The following ADARB2 variants were observed in gnomAD, a reference collection of about 807,000 sequenced individuals.
ADARB2 encodes the protein adenosine deaminase RNA specific B2 (inactive), also known as inactive double-stranded RNA-specific editase B2.
A neutral mutation model predicts 62.2 loss-of-function variants in ADARB2; 25 were observed. The observed-to-expected ratio is 0.40, with a 90% confidence interval of 0.29 to 0.56. ADARB2 has a LOEUF of 0.56. ADARB2 is among the 20% of genes least tolerant of loss of function. The pLI, the probability that ADARB2 is intolerant of heterozygous loss-of-function variation, is 0.43. For missense variants in ADARB2, 1,071 were observed against 1,077.4 expected, an observed-to-expected ratio of 0.99 and a Z score of 0.08; for synonymous variants, 572 against 500.8, an observed-to-expected ratio of 1.14 and a Z score of -1.90.
chr10:1,201,249 T>G (rs574929659), intron 7 of ADARB2, among the ~76,000 whole-genome samples: 1 of 152,330 alleles, frequency 6.6e-6, no homozygotes, highest in African/African-American at 2.4e-5. Context: ...GGAGCCGCTC[T>G]CCCTCTCTCC....
At chr10:1,453,723 A>G (rs1169457634) in intron 1 of ADARB2, among the ~76,000 whole-genome samples, 1 of 152,212 alleles carries the variant, frequency 6.6e-6, no homozygotes, top group Non-Finnish European at 1.5e-5. Context: ...AAGAAGGTAA[A>G]CAAACAGCCA....
At chr10:1,510,098 T>TCTCTCTC (rs1278546139) in intron 1 of ADARB2, among the ~76,000 whole-genome samples, 6 of 121,342 alleles carry the variant, frequency 4.9e-5, no homozygotes, top group African/African-American at 1.7e-4. Context: ...TCTCTCTCTT[T>TCTCTCTC]TCTTTCTTTC....
At chr10:1,648,944 G>A (rs1459675969) in intron 1 of ADARB2, among the ~76,000 whole-genome samples, 4 of 152,190 alleles carry the variant, frequency 2.6e-5, no homozygotes, top group African/African-American at 9.7e-5. Context: ...CGAGTAGGTG[G>A]AGCAGGACCT....
intron 1 of ADARB2, among the ~76,000 whole-genome samples, chr10:1,441,481 G>A (rs1830906392): frequency 6.6e-6 from 1 of 152,156 alleles, no homozygotes; most frequent in African/African-American, 2.4e-5. Context: ...TGTTTTGGAA[G>A]ACACTCAATA....
intron 3 of ADARB2, among the ~76,000 whole-genome samples, chr10:1,296,648 T>C (rs985751243): frequency 3.9e-5 from 6 of 152,134 alleles, no homozygotes; most frequent in African/African-American, 1.4e-4. Flanking sequence ...TGCCTGGGAC[T>C]CTCTGCATTT....
At chr10:1,308,770 C>T (rs1327068069) in intron 3 of ADARB2, among the ~76,000 whole-genome samples, 2 of 152,144 alleles carry the variant, frequency 1.3e-5, no homozygotes, top group Non-Finnish European at 2.9e-5. Flanking sequence ...GGGTGATTAG[C>T]AGGTCAGGGA....
chr10:1,712,718 C>A lies in ADARB2; in HGVS notation c.100+24333G>T, dbSNP rs373512755. Among the ~76,000 whole-genome samples, 48 of 143,500 alleles carry A rather than the reference C, an allele frequency of 3.3e-4. 2 individuals carry two copies. The East Asian group carries it at 9.1e-3, about 27-fold the overall frequency. The allele number at this position is 143,500 out of a possible 152,430, so 94.1% of individuals were successfully genotyped here. A position where few individuals can be genotyped will look rare whatever the true frequency, so the allele number is the denominator to read the frequency against. On this transcript the variant is annotated intron_variant, in intron 1 of 9. Transcript: ENST00000381312. ...CTGCCTCCCGGGTTCACGCCATTCT[C>A]CTGCCTCAGCCTCCCGAGTAGCTGG...
At chr10:1,727,977 T>C (rs1193461647) in intron 1 of ADARB2, among the ~76,000 whole-genome samples, 1 of 152,240 alleles carries the variant, frequency 6.6e-6, no homozygotes, top group East Asian at 1.9e-4. Context: ...CAGAATTGGA[T>C]AGCACGCACC....
At chr10:1,221,659 C>G (rs147951099) in intron 6 of ADARB2, among the ~76,000 whole-genome samples, 10,882 of 150,204 alleles carry the variant, frequency 0.072, 1,288 homozygotes, top group African/African-American at 0.25. Flanking sequence ...TGAGTGAGAA[C>G]ATGCGGTGTT....
At chr10:1,257,894 C>A (rs1025560794) in intron 4 of ADARB2, among the ~76,000 whole-genome samples, 3 of 152,102 alleles carry the variant, frequency 2.0e-5, no homozygotes, top group South Asian at 2.1e-4. Flanking sequence ...AAACCATGAC[C>A]CCAGGTGCAC....
chr10:1,608,291 C>T (rs573648775), intron 1 of ADARB2, among the ~76,000 whole-genome samples: 24 of 152,314 alleles, frequency 1.6e-4, no homozygotes, highest in African/African-American at 5.8e-4. Context: ...CCGGGTCCCT[C>T]AGTCCCAGAG....
Position 1,673,487 on chromosome 10 carries a change from A to T in ADARB2, c.100+63564T>A, listed in dbSNP as rs1834420254. ...TCGTTGAAACAAAAAGTTTGTAAGG[A>T]TAAATCTTGCAAAATGATTTCTTTA... On this transcript the variant is annotated intron_variant, in intron 1 of 9. Coordinates refer to ENST00000381312, the MANE Select transcript of ADARB2 (RefSeq NM_018702.4). Among the ~76,000 whole-genome samples the T allele has an allele frequency of 2.0e-5, 3 of 152,202 alleles. No individual in the cohort carries two copies. In the South Asian group the frequency reaches 6.2e-4, roughly 32 times the overall value.
chr10:1,278,711 A>G (rs1391220883), intron 3 of ADARB2, among the ~76,000 whole-genome samples: 1 of 151,526 alleles, frequency 6.6e-6, no homozygotes, highest in Non-Finnish European at 1.5e-5. Flanking sequence ...CCCTGTTTGG[A>G]GGTCCTCTCC....
chr10:1,296,385 A>G (rs1443711127), intron 3 of ADARB2, among the ~76,000 whole-genome samples: 1 of 152,214 alleles, frequency 6.6e-6, no homozygotes, highest in East Asian at 1.9e-4. Flanking sequence ...CTCTCACAGT[A>G]GAGATGCTGC....
chr10:1,724,250 T>C (rs1835135133), intron 1 of ADARB2, among the ~76,000 whole-genome samples: 1 of 152,208 alleles, frequency 6.6e-6, no homozygotes, highest in Admixed American at 6.5e-5. Context: ...GCTTTTCAGC[T>C]GCACCCATCT....
At chr10:1,677,949 A>G (rs1222512235) in intron 1 of ADARB2, among the ~76,000 whole-genome samples, 1 of 152,238 alleles carries the variant, frequency 6.6e-6, no homozygotes, top group Non-Finnish European at 1.5e-5. Flanking sequence ...GTCTTTTCAC[A>G]GATAGCAGAG....
chr10:1,389,787 T>TAAATAAA, intron 1 of ADARB2, among the ~76,000 whole-genome samples: 2 of 112,932 alleles, frequency 1.8e-5, no homozygotes, highest in African/African-American at 6.2e-5. Context: ...AAATAAATAA[T>TAAATAAA]AAATAAAAAA....
chr10:1,257,090 C>T lies in ADARB2; in HGVS notation c.1192+13865G>A, dbSNP rs141623993. On this transcript the variant is annotated intron_variant, in intron 4 of 9. Coordinates refer to ENST00000381312, the MANE Select transcript of ADARB2 (RefSeq NM_018702.4). ...TTTAAGAAGATCATATTTGAATCAG[C>T]TCAGAGGCGAGCTGTGTTCAGGCCC... 2.8e-3 allele frequency among the ~76,000 whole-genome samples: 425 copies of T among 152,362 alleles called. 2 individuals are homozygous for T. The highest frequency in any genetic ancestry group is 9.7e-3 in the African/African-American group (404 of 41,590).
intron 1 of ADARB2, among the ~76,000 whole-genome samples, chr10:1,475,882 T>G (rs1831393461): frequency 6.6e-6 from 1 of 152,160 alleles, no homozygotes; most frequent in Non-Finnish European, 1.5e-5. Context: ...ATTGTGTGAA[T>G]TTTCTAGGCC....
Sources: gnomAD v4.1 joint callset for allele counts (sites outside exome capture counted in the v4.1 genomes callset) on GRCh38, gnomAD v4.1.1 for gene constraint, MANE v1.5 for transcripts, NCBI Gene and HGNC (gene_info 2026-07-23, HGNC 2026-07-21) for gene names.